TNIP3: variants seen among roughly 807,000 people sequenced by gnomAD.
TNIP3 encodes the protein TNFAIP3-interacting protein 3.
Under a neutral mutation model 54.1 loss-of-function variants are expected in TNIP3, and 34 were observed. That is an observed-to-expected ratio of 0.63 (90% confidence interval 0.48 to 0.84). TNIP3 has a LOEUF of 0.84. Among genes scored for constraint, TNIP3 ranks in the 40% least tolerant of loss-of-function variants. The probability of loss-of-function intolerance (pLI) is 0.00; values close to 1 mark genes in which losing one functional copy is unlikely to be tolerated. For synonymous variants in TNIP3, 134 were observed against 136.8 expected (o/e 0.98, Z 0.14); for missense variants, 366 against 387.6 (o/e 0.94, Z 0.47).
rs1730443406 is a variant in TNIP3 at position 121,161,355 on chromosome 4, C to A, written c.67-139G>T. 5.9e-6 allele frequency: 4 copies of A among 672,364 alleles called. No individual in the cohort carries two copies. The South Asian group carries it at 7.8e-5, about 13-fold the overall frequency. 41.6% of individuals were successfully genotyped at this position (672,364 alleles called of 1,614,324 possible). ...AATACCTGATTCTAGCAGTAATAAT[C>A]CTCATACCCTAAGTCCTTCATCATG... On this transcript the variant is annotated intron_variant, in intron 1 of 10. Coordinates refer to ENST00000057513, the MANE Select transcript of TNIP3 (RefSeq NM_024873.6).
chr4:121,182,724 C>G (rs1724784538), exon 3 of TNIP3: 1 of 1,534,086 alleles, frequency 6.5e-7, no homozygotes, highest in South Asian at 1.2e-5. Flanking sequence ...CTGGGGTGAA[C>G]CGTTTTGGAT....
chr4:121,148,288 A>G (rs1424496241), intron 6 of TNIP3, among the ~76,000 whole-genome samples: 1 of 152,238 alleles, frequency 6.6e-6, no homozygotes, highest in Non-Finnish European at 1.5e-5. Context: ...AGAAACGTGC[A>G]CAGTTAAAAT....
intron 1 of TNIP3, 58 bp downstream of exon 1, chr4:121,164,002 C>T: frequency 6.3e-7 from 1 of 1,589,800 alleles, no homozygotes. Flanking sequence ...CAATTAACCA[C>T]TAGAAATGCC....
intron 1 of TNIP3, among the ~76,000 whole-genome samples, chr4:121,162,756 A>G (rs575824682): frequency 6.6e-6 from 1 of 152,348 alleles, no homozygotes; most frequent in Admixed American, 6.5e-5. Flanking sequence ...GAATTTCTAG[A>G]AGAGCAGCCA....
chr4:121,160,923 TC>T (rs2148814843), intron 2 of TNIP3, among the ~76,000 whole-genome samples: 1 of 152,324 alleles, frequency 6.6e-6, no homozygotes, highest in Admixed American at 6.5e-5. Context: ...TTGTCGTTTT[TC>T]ATTCGTCACT....
At chr4:121,161,690 G>A (rs968514707) in intron 1 of TNIP3, among the ~76,000 whole-genome samples, 2 of 152,106 alleles carry the variant, frequency 1.3e-5, no homozygotes, top group East Asian at 1.9e-4. Flanking sequence ...TCAGAGGAAC[G>A]ACAAAATCAT....
intron 1 of TNIP3, among the ~76,000 whole-genome samples, chr4:121,161,671 C>A (rs1730463802): frequency 6.6e-6 from 1 of 152,108 alleles, no homozygotes; most frequent in Non-Finnish European, 1.5e-5. Flanking sequence ...AAAGTAGACC[C>A]AGTAAACGTC....
chr4:121,216,394 C>T (rs1275180745), intron 2 of TNIP3: 4 of 1,523,676 alleles, frequency 2.6e-6, no homozygotes, highest in Non-Finnish European at 2.6e-6. Flanking sequence ...AGCATATAAT[C>T]TCCAAATAAA....
chr4:121,142,362 G>A (rs928881077), intron 8 of TNIP3, among the ~76,000 whole-genome samples: 3 of 152,174 alleles, frequency 2.0e-5, no homozygotes, highest in African/African-American at 7.2e-5. Context: ...ATGCTTCAGT[G>A]CTCAAGAAGG....
chr4:121,136,647 C>T (rs892495256), intron 10 of TNIP3: 1 of 151,960 alleles, frequency 6.6e-6, no homozygotes, highest in Admixed American at 6.6e-5. Flanking sequence ...GAGTTCGAGA[C>T]CAGCCTGGCA....
intron 1 of TNIP3, among the ~76,000 whole-genome samples, chr4:121,222,061 AT>A (rs1378567038): frequency 1.3e-5 from 2 of 152,182 alleles, no homozygotes; most frequent in Non-Finnish European, 2.9e-5. Flanking sequence ...ATGAGAACAG[AT>A]TGTACATTAT....
chr4:121,197,531 C>CAAAAAAAAAAAAAAAAAA (rs531127977), intron 2 of TNIP3, among the ~76,000 whole-genome samples: 1 of 64,260 alleles, frequency 1.6e-5, no homozygotes, highest in Non-Finnish European at 3.5e-5. Flanking sequence ...GACTCTGTCT[C>CAAAAAAAAAAAAAAAAAA]AAAAAAAAAA....
Position 121,163,788 on chromosome 4 carries a change from G to T in TNIP3, c.66+272C>A, listed in dbSNP as rs186699365. 3.6e-4 allele frequency among the ~76,000 whole-genome samples: 55 copies of T among 152,128 alleles called. No individual in the cohort carries two copies. In the East Asian group the frequency reaches 5.8e-3, roughly 16 times the overall value. On this transcript the variant is annotated intron_variant, in intron 1 of 10. Coordinates refer to ENST00000057513, the MANE Select transcript of TNIP3 (RefSeq NM_024873.6). Reference sequence around the variant, plus strand: ...CTACACCAATATAGTATTCTTTTAAGATTTTTATAGAACAAAAATCAAGAA... The same window carrying T: ...CTACACCAATATAGTATTCTTTTAATATTTTTATAGAACAAAAATCAAGAA...
intron 3 of TNIP3, among the ~76,000 whole-genome samples, chr4:121,179,529 C>T (rs944137900): frequency 1.1e-4 from 16 of 152,068 alleles, no homozygotes; most frequent in Non-Finnish European, 1.6e-4. Context: ...ATGATGTGTG[C>T]AAAGAGATCT....
At chr4:121,141,945 C>T (rs754516039) in intron 8 of TNIP3, 31 bp from the exon 9 acceptor site, 2 of 1,494,046 alleles carry the variant, frequency 1.3e-6, no homozygotes, top group Non-Finnish European at 1.8e-6. Context: ...GGGTCACTAC[C>T]AGTGGGAGAG....
At chr4:121,149,082 C>A (rs898477059) in intron 6 of TNIP3, among the ~76,000 whole-genome samples, 4 of 152,208 alleles carry the variant, frequency 2.6e-5, no homozygotes, top group African/African-American at 7.2e-5. Context: ...GCATGGTCGG[C>A]CCCTCAGCTA....
intron 2 of TNIP3, among the ~76,000 whole-genome samples, chr4:121,203,506 A>G (rs996845678): frequency 1.3e-5 from 2 of 152,234 alleles, no homozygotes; most frequent in South Asian, 2.1e-4. Context: ...AAGACTATAC[A>G]TTGGGTAGTG....
At chr4:121,164,870 T>G (rs1730668700), upstream of TNIP3, among the ~76,000 whole-genome samples, 1 of 152,172 alleles carries the variant, frequency 6.6e-6, no homozygotes, top group Non-Finnish European at 1.5e-5. Flanking sequence ...TCTCCATGAC[T>G]CATTTGAAGT....
chr4:121,176,744 TGTGTCAATTTACG>T (rs889062264), intron 3 of TNIP3, among the ~76,000 whole-genome samples: 1 of 151,232 alleles, frequency 6.6e-6, no homozygotes, highest in Non-Finnish European at 1.5e-5. Flanking sequence ...ACAGAAAACA[TGTGTCAATTTACG>T]GTAGTTTGCA....
Sources: allele counts gnomAD v4.1 joint callset (sites outside exome capture counted in the v4.1 genomes callset), GRCh38; gene constraint gnomAD v4.1.1; transcripts MANE v1.5; gene names NCBI Gene and HGNC (gene_info 2026-07-23, HGNC 2026-07-21).